Variants in CNTN4 observed in about 807,000 individuals in gnomAD.
CNTN4 encodes the protein contactin-4.
Under a neutral mutation model 122.5 loss-of-function variants are expected in CNTN4, and 77 were observed. That is an observed-to-expected ratio of 0.63 (90% CI 0.52 to 0.76). The LOEUF is 0.76. Among genes scored for constraint, CNTN4 ranks in the 30% least tolerant of loss-of-function variants. The pLI is 0.00. For missense variants in CNTN4, 1,256 were observed against 1,259.1 expected, an observed-to-expected ratio of 1.00 and a Z score of 0.04; for synonymous variants, 512 against 447.0, an observed-to-expected ratio of 1.15 and a Z score of -1.83.
rs147329334 is a variant in CNTN4, at chr3:2,278,701, C to T, written c.-144-60477C>T. Among the ~76,000 whole-genome samples, 4 of 152,208 alleles carry T rather than the reference C, an allele frequency of 2.6e-5. No individual in the cohort carries two copies. In the East Asian group the frequency reaches 7.7e-4, roughly 29 times the overall value. ...CAAGATGCTTTTGAATTGCAAGACCCCTGTGCCTAATCCTGAAAAAGTTTT... is the reference window on the plus strand; with the variant it reads ...CAAGATGCTTTTGAATTGCAAGACCTCTGTGCCTAATCCTGAAAAAGTTTT... On this transcript the variant is annotated intron_variant, in intron 2 of 24. Coordinates refer to ENST00000418658, the MANE Select transcript of CNTN4 (RefSeq NM_175607.3).
intron 4 of CNTN4, among the ~76,000 whole-genome samples, chr3:2,573,349 C>G (rs1456127080): frequency 1.3e-5 from 2 of 152,100 alleles, no homozygotes; most frequent in African/African-American, 4.8e-5. Context: ...CTTGGCATCC[C>G]TCTTAGTGAT....
At chr3:3,031,835 G>T (rs1340850591) in intron 16 of CNTN4, among the ~76,000 whole-genome samples, 1 of 152,192 alleles carries the variant, frequency 6.6e-6, no homozygotes, top group Non-Finnish European at 1.5e-5. Context: ...GACTGTTGGT[G>T]TTCAGGCATC....
intron 3 of CNTN4, among the ~76,000 whole-genome samples, chr3:2,478,097 A>G (rs1393603606): frequency 6.6e-6 from 1 of 152,224 alleles, no homozygotes; most frequent in African/African-American, 2.4e-5. Flanking sequence ...GGGAAAGGGC[A>G]GTCACCATGT....
intron 3 of CNTN4, among the ~76,000 whole-genome samples, chr3:2,452,545 C>T (rs1039347119): frequency 2.0e-5 from 3 of 152,034 alleles, no homozygotes; most frequent in Non-Finnish European, 4.4e-5. Flanking sequence ...ACTCATTGTC[C>T]CCGAGGCCAT....
At chr3:2,615,570 T>A (rs1284425296) in intron 4 of CNTN4, among the ~76,000 whole-genome samples, 1 of 76,800 alleles carries the variant, frequency 1.3e-5, no homozygotes, top group Non-Finnish European at 2.4e-5. Flanking sequence ...GTTCATCATC[T>A]ATTTCACTCT....
At chr3:2,219,774 T>G (rs763203750) in intron 2 of CNTN4, among the ~76,000 whole-genome samples, 7 of 151,528 alleles carry the variant, frequency 4.6e-5, no homozygotes, top group Non-Finnish European at 7.4e-5. Flanking sequence ...TTTTTATGGT[T>G]GTTTTGAGAT....
chr3:2,778,836 T>C (rs115084026), intron 6 of CNTN4, among the ~76,000 whole-genome samples: 6,133 of 152,322 alleles, frequency 0.04, 162 homozygotes, highest in South Asian at 0.066. Context: ...ATTTATCTTA[T>C]GATAATATCA....
chr3:2,102,162 G>A (rs991922683), intron 2 of CNTN4, among the ~76,000 whole-genome samples: 4 of 152,192 alleles, frequency 2.6e-5, no homozygotes, highest in African/African-American at 4.8e-5. Context: ...CAATGGTCAG[G>A]AAGTGAAGAA....
At chr3:2,469,455 T>C (rs943177676) in intron 3 of CNTN4, among the ~76,000 whole-genome samples, 4 of 152,208 alleles carry the variant, frequency 2.6e-5, no homozygotes, top group Non-Finnish European at 4.4e-5. Flanking sequence ...TCTTCTTTAA[T>C]CTATATACAG....
chr3:2,551,567 G>T (rs924061726), intron 3 of CNTN4, among the ~76,000 whole-genome samples: 1 of 152,048 alleles, frequency 6.6e-6, no homozygotes. Flanking sequence ...TAATGATCAT[G>T]AAAGGATTTT....
chr3:2,616,780 T>C (rs978402611), intron 4 of CNTN4, among the ~76,000 whole-genome samples: 3 of 152,136 alleles, frequency 2.0e-5, no homozygotes, highest in Non-Finnish European at 2.9e-5. Context: ...ATGGTACTGG[T>C]AGCAAAACAG....
At chr3:2,407,060 G>T (rs912738347) in intron 3 of CNTN4, among the ~76,000 whole-genome samples, 7 of 152,148 alleles carry the variant, frequency 4.6e-5, no homozygotes, top group African/African-American at 1.7e-4. Flanking sequence ...AAGCATGCAA[G>T]ATATCTTTCT....
At chr3:2,960,728 T>C (rs763011376) in intron 13 of CNTN4, among the ~76,000 whole-genome samples, 106 of 152,184 alleles carry the variant, frequency 7.0e-4, no homozygotes, top group Non-Finnish European at 1.3e-3. Flanking sequence ...GGCAGGTTGA[T>C]TGCAGTAATG....
chr3:2,414,083 G>T (rs2047325578), intron 3 of CNTN4, among the ~76,000 whole-genome samples: 1 of 152,146 alleles, frequency 6.6e-6, no homozygotes, highest in African/African-American at 2.4e-5. Flanking sequence ...GCATACGAAT[G>T]ATATAGGTAG....
chr3:2,469,602 T>G (rs1235533551), intron 3 of CNTN4, among the ~76,000 whole-genome samples: 1 of 152,214 alleles, frequency 6.6e-6, no homozygotes, highest in Non-Finnish European at 1.5e-5. Context: ...TAAAGCCTCA[T>G]TTTGGGATTT....
intron 3 of CNTN4, among the ~76,000 whole-genome samples, chr3:2,487,524 C>T (rs1258097694): frequency 6.6e-6 from 1 of 152,168 alleles, no homozygotes; most frequent in African/African-American, 2.4e-5. Flanking sequence ...CTTCAAAAAG[C>T]CCTAGTCAAT....
At chr3:2,127,598 G>A (rs1346632805) in intron 2 of CNTN4, among the ~76,000 whole-genome samples, 1 of 152,040 alleles carries the variant, frequency 6.6e-6, no homozygotes, top group Non-Finnish European at 1.5e-5. Context: ...GATAATTTGA[G>A]TATCTTCACT....
At chr3:2,883,947 T>G (rs1433617880) in intron 9 of CNTN4, among the ~76,000 whole-genome samples, 3 of 152,222 alleles carry the variant, frequency 2.0e-5, no homozygotes, top group Admixed American at 6.5e-5. Flanking sequence ...GCATAAACAG[T>G]ATAAACTATT....
intron 13 of CNTN4, among the ~76,000 whole-genome samples, chr3:2,975,615 C>G (rs971765657): frequency 2.0e-5 from 3 of 152,180 alleles, no homozygotes; most frequent in Non-Finnish European, 4.4e-5. Context: ...TTCTGGGTCT[C>G]TTGGTCCATT....
Sources: gnomAD v4.1 joint callset for allele counts (sites outside exome capture counted in the v4.1 genomes callset) on GRCh38, gnomAD v4.1.1 for gene constraint, MANE v1.5 for transcripts, NCBI Gene and HGNC (gene_info 2026-07-23, HGNC 2026-07-21) for gene names.